The following RANBP9 variants were observed in gnomAD, a reference collection of about 807,000 sequenced individuals.
The protein encoded by RANBP9 is ran-binding protein 9.
Under a neutral mutation model 84.3 loss-of-function variants are expected in RANBP9, and 15 were observed. The ratio of observed to expected loss-of-function variants is 0.18; its 90% CI spans 0.12 to 0.27. The LOEUF (loss-of-function observed/expected upper bound fraction) is 0.27, where lower values mean the gene tolerates loss of function less well. Among genes scored for constraint, RANBP9 ranks in the 10% least tolerant of loss-of-function variants. The probability of loss-of-function intolerance (pLI) is 1.00; values close to 1 mark genes in which losing one functional copy is unlikely to be tolerated. For synonymous variants in RANBP9, 392 were observed against 349.6 expected (o/e 1.12, Z -1.35); for missense variants, 809 against 912.8 (o/e 0.89, Z 1.46).
At chr6:13,639,786 A>C (rs1469710287) in intron 8 of RANBP9, 33 bp from the exon 9 acceptor site, 1 of 1,526,086 alleles carries the variant, frequency 6.6e-7, no homozygotes, top group East Asian at 2.3e-5. Flanking sequence ...ACTTAGACAC[A>C]ATCTTCAAAT....
intron 10 of RANBP9, among the ~76,000 whole-genome samples, chr6:13,636,376 T>C (rs1764940272): frequency 1.3e-5 from 2 of 152,216 alleles, no homozygotes; most frequent in Admixed American, 6.5e-5. Context: ...AAATAACTTA[T>C]AGCTTAAGGC....
chr6:13,684,594 T>G (rs1462231439), intron 2 of RANBP9, among the ~76,000 whole-genome samples: 2 of 152,220 alleles, frequency 1.3e-5, no homozygotes, highest in African/African-American at 4.8e-5. Flanking sequence ...CACAAATTTG[T>G]GGTTTTAAAT....
At chr6:13,643,928 T>C (rs6911121) in intron 6 of RANBP9, among the ~76,000 whole-genome samples, 58,409 of 152,028 alleles carry the variant, frequency 0.38, 11,561 homozygotes, top group Admixed American at 0.5. Flanking sequence ...TATTACAATT[T>C]TAAAGTTAAG....
chr6:13,622,778 G>A (rs1016196572), intron 13 of RANBP9, among the ~76,000 whole-genome samples: 4 of 152,166 alleles, frequency 2.6e-5, no homozygotes, highest in African/African-American at 9.7e-5. Flanking sequence ...GATGGGAAAG[G>A]TACAATTTTT....
At chr6:13,644,497 T>C (rs1044976797) in intron 6 of RANBP9, 48 bp downstream of exon 6, 1 of 1,558,500 alleles carries the variant, frequency 6.4e-7, no homozygotes, top group East Asian at 2.3e-5. Context: ...AAATGTCTTA[T>C]AAAAAACAGA....
chr6:13,632,074 C>T (rs1186250247), intron 12 of RANBP9, among the ~76,000 whole-genome samples: 2 of 129,032 alleles, frequency 1.6e-5, no homozygotes, highest in Admixed American at 8.7e-5. Flanking sequence ...ACTAAGTTAA[C>T]GAGGACACAC....
intron 2 of RANBP9, among the ~76,000 whole-genome samples, chr6:13,682,700 C>G (rs946574801): frequency 2.0e-5 from 3 of 152,202 alleles, no homozygotes; most frequent in Non-Finnish European, 2.9e-5. Flanking sequence ...GACCCACCTA[C>G]CTCTGCCTCC....
At chr6:13,680,045 G>C (rs917448560) in intron 2 of RANBP9, among the ~76,000 whole-genome samples, 16 of 152,124 alleles carry the variant, frequency 1.1e-4, no homozygotes, top group African/African-American at 3.9e-4. Flanking sequence ...AGAGGAAAGA[G>C]AATGGAGGAA....
intron 2 of RANBP9, among the ~76,000 whole-genome samples, chr6:13,684,692 A>G (rs1204564803): frequency 3.3e-5 from 5 of 152,274 alleles, no homozygotes; most frequent in Non-Finnish European, 7.3e-5. Flanking sequence ...AAGCTGTGGC[A>G]AAGACAAAAG....
At chr6:13,629,441 G>C (rs907811029) in intron 12 of RANBP9, among the ~76,000 whole-genome samples, 4 of 152,148 alleles carry the variant, frequency 2.6e-5, no homozygotes, top group Non-Finnish European at 5.9e-5. Context: ...GAAATATGTA[G>C]CATTATGGGT....
intron 10 of RANBP9, 29 bp downstream of exon 10, chr6:13,637,779 T>G (rs1240778899): frequency 6.5e-7 from 1 of 1,536,120 alleles, no homozygotes. Flanking sequence ...GTTGCTTATA[T>G]TAGTGCAAAA....
At chr6:13,656,377 T>C (rs931819801) in intron 4 of RANBP9, among the ~76,000 whole-genome samples, 3 of 150,768 alleles carry the variant, frequency 2.0e-5, no homozygotes, top group South Asian at 2.1e-4. Context: ...ATCAGTGTTA[T>C]TATCCTTTAT....
chr6:13,653,757 T>C (rs1364711670), intron 4 of RANBP9, among the ~76,000 whole-genome samples: 1 of 152,274 alleles, frequency 6.6e-6, no homozygotes, highest in East Asian at 1.9e-4. Context: ...ATTAATGCTT[T>C]TGTAGTTAGT....
At chr6:13,693,677 A>C (rs1466046647) in intron 2 of RANBP9, among the ~76,000 whole-genome samples, 2 of 152,218 alleles carry the variant, frequency 1.3e-5, no homozygotes, top group Non-Finnish European at 2.9e-5. Flanking sequence ...CATGAAACAC[A>C]AGAACTATGT....
At chr6:13,636,363 A>G (rs943299216) in intron 10 of RANBP9, among the ~76,000 whole-genome samples, 1 of 152,230 alleles carries the variant, frequency 6.6e-6, no homozygotes, top group African/African-American at 2.4e-5. Flanking sequence ...ATTACCAACT[A>G]CAAAATAACT....
chr6:13,668,674 G>A (rs367554376), intron 2 of RANBP9, among the ~76,000 whole-genome samples: 9 of 151,942 alleles, frequency 5.9e-5, no homozygotes, highest in South Asian at 2.1e-4. Context: ...ACCCTTTCAC[G>A]ATTTAAAAAA....
At chr6:13,667,347 T>C (rs1420682084) in intron 2 of RANBP9, among the ~76,000 whole-genome samples, 1 of 152,228 alleles carries the variant, frequency 6.6e-6, no homozygotes, top group Non-Finnish European at 1.5e-5. Flanking sequence ...AGTTTTCTGC[T>C]ATACCTTTTG....
At chr6:13,652,102 T>G (rs566538992) in intron 5 of RANBP9, among the ~76,000 whole-genome samples, 1 of 152,216 alleles carries the variant, frequency 6.6e-6, no homozygotes, top group Non-Finnish European at 1.5e-5. Flanking sequence ...TTGTACAACC[T>G]TGTGTCCTAC....
rs561340223 is a variant in RANBP9 at position 13,647,593 on chromosome 6, T to C, written c.928-2864A>G. 1.8e-4 allele frequency among the ~76,000 whole-genome samples: 28 copies of C among 152,284 alleles called. No individual in the cohort carries two copies. The South Asian group carries it at 5.8e-3, about 32-fold the overall frequency. On this transcript the variant is annotated intron_variant, in intron 5 of 13. Coordinates refer to ENST00000011619, the MANE Select transcript of RANBP9 (RefSeq NM_005493.3). ...TTCAAAAAATGAACATACTGGCTTA[T>C]ATGTGTTTAGAAAGAAGTCTAAAAG...
Sources: gnomAD v4.1 joint callset for allele counts (sites outside exome capture counted in the v4.1 genomes callset) on GRCh38, gnomAD v4.1.1 for gene constraint, MANE v1.5 for transcripts, NCBI Gene and HGNC (gene_info 2026-07-23, HGNC 2026-07-21) for gene names.